Variants in DLGAP1 observed in about 807,000 individuals in gnomAD.
The protein encoded by DLGAP1 is DLG associated protein 1, also known as disks large-associated protein 1.
Under a neutral mutation model 90.8 loss-of-function variants are expected in DLGAP1, and 11 were observed. That is an observed-to-expected ratio of 0.12 (90% CI 0.08 to 0.20). DLGAP1 has a LOEUF of 0.20. Ranked by LOEUF, DLGAP1 falls within the 10% of genes least tolerant of loss-of-function variation. DLGAP1 has a pLI of 1.00. For synonymous variants in DLGAP1, 558 were observed against 540.7 expected (o/e 1.03, Z -0.44); for missense variants, 1,050 against 1,333.8 (o/e 0.79, Z 3.31).
At chr18:4,043,801 C>T (rs992613815) in intron 2 of DLGAP1, among the ~76,000 whole-genome samples, 1 of 152,066 alleles carries the variant, frequency 6.6e-6, no homozygotes, top group Admixed American at 6.6e-5. Context: ...GCAACGGGAC[C>T]AGCAAATCTC....
At chr18:3,541,484 T>G (rs1000741184) in intron 9 of DLGAP1, among the ~76,000 whole-genome samples, 1 of 152,122 alleles carries the variant, frequency 6.6e-6, no homozygotes, top group African/African-American at 2.4e-5. Flanking sequence ...ATTTCAAGGG[T>G]GGGTACTGGG....
At chr18:3,839,564 A>G (rs2068592434) in intron 4 of DLGAP1, among the ~76,000 whole-genome samples, 1 of 152,194 alleles carries the variant, frequency 6.6e-6, no homozygotes, top group African/African-American at 2.4e-5. Context: ...TGAGCACATA[A>G]ACAGGCACTA....
At chr18:4,291,772 C>T (rs574461102) in intron 1 of DLGAP1, among the ~76,000 whole-genome samples, 1 of 152,170 alleles carries the variant, frequency 6.6e-6, no homozygotes. Flanking sequence ...AGGTGCCAAT[C>T]CTATACACAC....
chr18:3,753,750 T>C (rs549558241), intron 5 of DLGAP1, among the ~76,000 whole-genome samples: 4 of 152,296 alleles, frequency 2.6e-5, no homozygotes, highest in Middle Eastern at 6.8e-3. Context: ...CAGTTTCCCT[T>C]AGCAAAGGTG....
At position 3,600,767 on chromosome 18, in the gene DLGAP1, T is replaced by TATAG. The variant is rs2056885724; in HGVS notation, c.1592-18520_1592-18519insCTAT. ...ATATAGATATATATAGATATATAGA[T>TATAG]ATATATAGATATATAGATATATATA... On this transcript the variant is annotated intron_variant, in intron 7 of 12. Coordinates refer to ENST00000315677, the MANE Select transcript of DLGAP1 (RefSeq NM_004746.4). Among the ~76,000 whole-genome samples the TATAG allele has an allele frequency of 8.5e-5, 3 of 35,288 alleles. No individual in the cohort carries two copies. In the South Asian group the frequency reaches 2.1e-3, roughly 25 times the overall value. The allele number at this position is 35,288 out of a possible 152,430, so 23.2% of individuals were successfully genotyped here. A position where few individuals can be genotyped will look rare whatever the true frequency, so the allele number is the denominator to read the frequency against.
intron 1 of DLGAP1, among the ~76,000 whole-genome samples, chr18:4,284,639 C>A (rs568495853): frequency 4.1e-4 from 63 of 152,306 alleles, no homozygotes; most frequent in Middle Eastern, 3.4e-3. Flanking sequence ...GTCCCACACA[C>A]AGGATCAGCT....
chr18:4,230,826 T>A (rs2078283925), intron 1 of DLGAP1, among the ~76,000 whole-genome samples: 2 of 151,428 alleles, frequency 1.3e-5, no homozygotes, highest in South Asian at 4.2e-4. Flanking sequence ...GATACCCCAC[T>A]TACCCTGATG....
rs376675793 is a variant in DLGAP1 at position 3,582,124 on chromosome 18, G to A, written c.1716C>T (p.Asp572=). The A allele has an allele frequency of 7.4e-5, 120 of 1,614,034 alleles. No individual in the cohort carries two copies. In the South Asian group the frequency reaches 9.9e-4, roughly 13 times the overall value. ...STESAQDAYM[D]GQGQRGDIIS... ...TAATATCTCCTCGCTGGCCCTGTCC[G>A]TCCATGTAGGCATCCTGGGCTGACT... The change falls in exon 8 of 13, where the codon GAC becomes GAT. Residue 572 remains aspartate (D), a synonymous_variant. Transcript: ENST00000315677.
chr18:4,063,480 G>T (rs976017126), intron 2 of DLGAP1, among the ~76,000 whole-genome samples: 1 of 152,020 alleles, frequency 6.6e-6, no homozygotes, highest in Non-Finnish European at 1.5e-5. Flanking sequence ...GACATATTTT[G>T]AAACAGCTAT....
chr18:4,110,426 C>G (rs1039313529), intron 2 of DLGAP1, among the ~76,000 whole-genome samples: 1 of 152,068 alleles, frequency 6.6e-6, no homozygotes, highest in Non-Finnish European at 1.5e-5. Flanking sequence ...GCCATTAATC[C>G]CCCCAGTGTG....
chr18:3,523,233 C>T (rs182242181), intron 10 of DLGAP1, among the ~76,000 whole-genome samples: 67 of 151,518 alleles, frequency 4.4e-4, no homozygotes, highest in Non-Finnish European at 7.1e-4. Context: ...AAAATTTAGC[C>T]GGGCATGGTG....
chr18:3,672,237 C>CACACACAG (rs2060114674), intron 7 of DLGAP1, among the ~76,000 whole-genome samples: 1 of 147,052 alleles, frequency 6.8e-6, no homozygotes, highest in African/African-American at 2.6e-5. Flanking sequence ...CACACACACA[C>CACACACAG]ACAGAGGCAA....
intron 7 of DLGAP1, chr18:3,708,400 T>C (rs2061502298): frequency 2.2e-6 from 1 of 456,486 alleles, no homozygotes; most frequent in Non-Finnish European, 4.4e-6. Flanking sequence ...TTGAAGTTCA[T>C]ATGGGGTGAT....
At chr18:4,056,381 G>A (rs528731443) in intron 2 of DLGAP1, among the ~76,000 whole-genome samples, 1 of 152,260 alleles carries the variant, frequency 6.6e-6, no homozygotes, top group Non-Finnish European at 1.5e-5. Context: ...AGCGGCCTGG[G>A]GAAAACACAA....
intron 3 of DLGAP1, among the ~76,000 whole-genome samples, chr18:3,909,242 C>T (rs1263411796): frequency 6.6e-6 from 1 of 152,152 alleles, no homozygotes; most frequent in African/African-American, 2.4e-5. Flanking sequence ...AGACTTTCTA[C>T]CATAGGTAAG....
At chr18:3,852,776 C>T (rs1416004278) in intron 4 of DLGAP1, among the ~76,000 whole-genome samples, 4 of 152,144 alleles carry the variant, frequency 2.6e-5, no homozygotes, top group Non-Finnish European at 4.4e-5. Flanking sequence ...ATCCTTTAAT[C>T]TTTAAGCACT....
chr18:3,581,446 C>G (rs369677469), intron 8 of DLGAP1, among the ~76,000 whole-genome samples: 1 of 152,062 alleles, frequency 6.6e-6, no homozygotes, highest in Admixed American at 6.6e-5. Flanking sequence ...CAGGCAGGCA[C>G]CAAGAACCAG....
intron 7 of DLGAP1, chr18:3,597,818 T>G (rs909468353): frequency 6.5e-6 from 1 of 154,164 alleles, no homozygotes; most frequent in East Asian, 1.9e-4. Flanking sequence ...TGAGGAATAA[T>G]TACCTGGATC....
chr18:3,630,887 G>A (rs1250211674), intron 7 of DLGAP1, among the ~76,000 whole-genome samples: 1 of 152,082 alleles, frequency 6.6e-6, no homozygotes, highest in African/African-American at 2.4e-5. Context: ...ACAAAATTCA[G>A]GTTTTTGGTT....
Sources: gnomAD v4.1 joint callset for allele counts (sites outside exome capture counted in the v4.1 genomes callset) on GRCh38, gnomAD v4.1.1 for gene constraint, MANE v1.5 for transcripts, NCBI Gene and HGNC (gene_info 2026-07-23, HGNC 2026-07-21) for gene names.